ABI1: variants seen among roughly 807,000 people sequenced by gnomAD.
ABI1 encodes Abelson interactor 1.
In ABI1, 14 loss-of-function variants were observed where a neutral mutation model predicts 54.6. That is an observed-to-expected ratio of 0.26 (90% CI 0.17 to 0.40). The LOEUF is 0.40. Among genes scored for constraint, ABI1 ranks in the 10% least tolerant of loss-of-function variants. ABI1 has a pLI of 1.00. For missense variants in ABI1, 443 were observed against 598.3 expected, an observed-to-expected ratio of 0.74 and a Z score of 2.71; for synonymous variants, 194 against 209.3, an observed-to-expected ratio of 0.93 and a Z score of 0.63.
intron 1 of ABI1, among the ~76,000 whole-genome samples, chr10:26,833,604 C>T (rs1284194205): frequency 6.6e-6 from 1 of 152,148 alleles, no homozygotes; most frequent in African/African-American, 2.4e-5. Context: ...TTGCTTCCTT[C>T]CATTAACTCC....
At chr10:26,764,055 G>T (rs1219338447) in intron 7 of ABI1, 4 of 884,808 alleles carry the variant, frequency 4.5e-6, no homozygotes, top group African/African-American at 3.4e-5. Flanking sequence ...GGAAGAAAAA[G>T]AAAAAAGATA....
intron 1 of ABI1, among the ~76,000 whole-genome samples, chr10:26,829,818 T>G (rs1415141380): frequency 6.6e-6 from 1 of 152,216 alleles, no homozygotes; most frequent in East Asian, 1.9e-4. Flanking sequence ...ATTTTTTTCT[T>G]GGATGAGGAA....
intron 2 of ABI1, among the ~76,000 whole-genome samples, chr10:26,793,053 GC>G (rs1223870746): frequency 1.3e-5 from 2 of 152,148 alleles, no homozygotes; most frequent in Admixed American, 1.3e-4. Context: ...CCTCACAACT[GC>G]CACTGCTACT....
chr10:26,777,645 T>C (rs1309598390), intron 2 of ABI1, among the ~76,000 whole-genome samples: 1 of 152,080 alleles, frequency 6.6e-6, no homozygotes, highest in Non-Finnish European at 1.5e-5. Flanking sequence ...CATGGTGGCA[T>C]GTGCCTGTGG....
intron 7 of ABI1, among the ~76,000 whole-genome samples, chr10:26,760,903 A>G (rs529804076): frequency 0.011 from 1,679 of 149,988 alleles, 55 homozygotes; most frequent in African/African-American, 0.035. Flanking sequence ...AAAAAAAAAA[A>G]AAAAAAAAAA....
chr10:26,765,007 A>G (rs1025879520), intron 7 of ABI1, among the ~76,000 whole-genome samples: 4 of 151,646 alleles, frequency 2.6e-5, no homozygotes, highest in Admixed American at 6.6e-5. Flanking sequence ...CTTAATATGC[A>G]GTATATATAA....
rs1024778485 is a variant in ABI1 at position 26,860,426 on chromosome 10, C to G, written c.117+321G>C. ...GGAGGCTACCTGGGGGGCGCGCGAC[C>G]CCGGTGGCCGGGCCCTGGGGGAAGC... On this transcript the variant is annotated intron_variant, in intron 1 of 10. Coordinates refer to ENST00000376140, the MANE Select transcript of ABI1 (RefSeq NM_001012750.3). The surrounding 1 kb of genome is among the most constrained non-coding windows in gnomAD (Gnocchi z 4.1). Among the ~76,000 whole-genome samples, 30 of 152,276 alleles carry G rather than the reference C, an allele frequency of 2.0e-4. No homozygotes were observed. The East Asian group carries it at 5.6e-3, about 29-fold the overall frequency.
intron 2 of ABI1, among the ~76,000 whole-genome samples, chr10:26,802,979 C>T (rs543424620): frequency 9.2e-5 from 14 of 152,272 alleles, no homozygotes; most frequent in African/African-American, 3.4e-4. Context: ...GAAGATCAAA[C>T]AGAAGCTATC....
At position 26,826,970 on chromosome 10, in the gene ABI1, G is replaced by C. The variant is rs140432946; in HGVS notation, c.118-3665C>G. 3.5e-3 allele frequency among the ~76,000 whole-genome samples: 531 copies of C among 151,696 alleles called. 5 individuals are homozygous for C. The highest frequency in any genetic ancestry group is 0.03 in the East Asian group (153 of 5,148). On this transcript the variant is annotated intron_variant, in intron 1 of 10. Coordinates refer to ENST00000376140, the MANE Select transcript of ABI1 (RefSeq NM_001012750.3). ...GCTCTGTTGCTCAGGCTGGAGTGCA[G>C]TGGCACAATCTTGGCTTACTGCAAC... is the stretch of plus-strand genomic sequence containing the variant.
At chr10:26,781,561 T>C (rs1339081553) in intron 2 of ABI1, among the ~76,000 whole-genome samples, 1 of 152,214 alleles carries the variant, frequency 6.6e-6, no homozygotes, top group Non-Finnish European at 1.5e-5. Flanking sequence ...AAAATGGGTG[T>C]GGTTGCTTTG....
chr10:26,768,607 A>G (rs889280973), intron 6 of ABI1, among the ~76,000 whole-genome samples: 5 of 152,168 alleles, frequency 3.3e-5, no homozygotes, highest in African/African-American at 1.2e-4. Flanking sequence ...CCTCTATCAA[A>G]AGGAGGAAAT....
intron 2 of ABI1, among the ~76,000 whole-genome samples, chr10:26,814,329 G>A (rs967110093): frequency 2.6e-5 from 4 of 151,982 alleles, no homozygotes; most frequent in African/African-American, 9.7e-5. Context: ...ATTTTTTTGG[G>A]CATCAGTGTC....
At chr10:26,815,816 C>T (rs11015305) in intron 2 of ABI1, among the ~76,000 whole-genome samples, 9,376 of 152,206 alleles carry the variant, frequency 0.062, 432 homozygotes, top group East Asian at 0.19. Context: ...GAGGCTGAGG[C>T]GGGAGGATCA....
intron 2 of ABI1, among the ~76,000 whole-genome samples, chr10:26,814,688 A>G (rs2047446950): frequency 6.7e-6 from 1 of 148,348 alleles, no homozygotes; most frequent in Non-Finnish European, 1.5e-5. Flanking sequence ...TAATTACTTC[A>G]CCAAGGAAAG....
At position 26,748,617 on chromosome 10, in the gene ABI1, G is replaced by T; in HGVS notation, c.1399C>A (p.Leu467Met). 1 of 1,613,248 alleles carries T rather than the reference G, an allele frequency of 6.2e-7. No individual in the cohort carries two copies. The highest frequency in any genetic ancestry group is 8.5e-7 in the Non-Finnish European group (1 of 1,179,758). ...GATTCAACATAGTTCCCAGGGAACA[G>T]ACCAGTCACTCGATTGCAGACTCCT... ...YEGVCNRVTG[L>M]FPGNYVESIM... Residue 467 changes from leucine (L) to methionine (M), a missense_variant, in exon 11 of 11, where the codon CTG (leucine) becomes ATG (methionine). Leu to Met is a conservative substitution (Grantham distance 15). Around this residue, in one of 2 missense-constraint regions of ABI1, gnomAD observed 49 missense variants for 113.5 expected, o/e 0.43. Coordinates refer to ENST00000376140, the MANE Select transcript of ABI1 (RefSeq NM_001012750.3).
At position 26,765,301 on chromosome 10, in the gene ABI1, C is replaced by A. The variant is rs763855870; in HGVS notation, c.737G>T (p.Ser246Ile). ...GCTACCACTGTTTTCTCGACTTCCACTTCCTCCACTACTTCCACTGAAAAG... is the reference window on the plus strand; with the variant it reads ...GCTACCACTGTTTTCTCGACTTCCAATTCCTCCACTACTTCCACTGAAAAG... ...PRTHSGSSGG[S>I]GSRENSGSSS... The change falls in exon 7 of 11, where the codon AGT (serine) becomes ATT (isoleucine). Residue 246 changes from serine (S) to isoleucine (I), a missense_variant. Coordinates refer to ENST00000376140, the MANE Select transcript of ABI1 (RefSeq NM_001012750.3). 4 of 1,587,806 alleles carry A rather than the reference C, an allele frequency of 2.5e-6. No homozygotes were observed. The South Asian group carries it at 4.7e-5, about 19-fold the overall frequency.
At chr10:26,848,200 C>CAAAAAAAAAAA (rs149066426) in intron 1 of ABI1, among the ~76,000 whole-genome samples, 3 of 78,690 alleles carry the variant, frequency 3.8e-5, no homozygotes, top group Non-Finnish European at 5.0e-5. Context: ...GACCCTGTCT[C>CAAAAAAAAAAA]AAAAAAAAAA....
At chr10:26,813,889 T>C (rs2047394587) in intron 2 of ABI1, among the ~76,000 whole-genome samples, 1 of 152,092 alleles carries the variant, frequency 6.6e-6, no homozygotes, top group Admixed American at 6.6e-5. Flanking sequence ...GAATATCTGA[T>C]ATGATAAATA....
intron 6 of ABI1, among the ~76,000 whole-genome samples, chr10:26,768,062 A>G (rs915062617): frequency 6.6e-6 from 1 of 151,610 alleles, no homozygotes; most frequent in Non-Finnish European, 1.5e-5. Context: ...GATAATAATA[A>G]TATTATTATT....
Sources: allele counts gnomAD v4.1 joint callset (sites outside exome capture counted in the v4.1 genomes callset), GRCh38; gene constraint gnomAD v4.1.1; regional missense constraint gnomAD v4.1.1; non-coding constraint Gnocchi (gnomAD v3.1); transcripts MANE v1.5; gene names NCBI Gene and HGNC (gene_info 2026-07-23, HGNC 2026-07-21).